JARID2: variants seen among roughly 807,000 people sequenced by gnomAD.
The protein encoded by JARID2 is jumonji and AT-rich interaction domain containing 2.
A neutral mutation model predicts 125.6 loss-of-function variants in JARID2; 21 were observed. That is an observed-to-expected ratio of 0.17 (90% CI 0.12 to 0.24). The LOEUF (loss-of-function observed/expected upper bound fraction) is 0.24. Ranked by LOEUF, JARID2 falls within the 10% of genes least tolerant of loss-of-function variation. The pLI is 1.00. For synonymous variants in JARID2, 736 were observed against 661.6 expected (o/e 1.11, Z -1.73); for missense variants, 1,303 against 1,639.6 (o/e 0.79, Z 3.55).
At chr6:15,299,121 A>AC (rs1303703828) in intron 1 of JARID2, among the ~76,000 whole-genome samples, 4 of 152,216 alleles carry the variant, frequency 2.6e-5, no homozygotes, top group Non-Finnish European at 5.9e-5. Flanking sequence ...GGCTATCTGT[A>AC]CCCGACATTT....
chr6:15,360,589 TC>T (rs758949151), intron 1 of JARID2, among the ~76,000 whole-genome samples: 2 of 152,198 alleles, frequency 1.3e-5, no homozygotes, highest in African/African-American at 2.4e-5. Context: ...GTTCAAGCGA[TC>T]TTCTCACCTC....
At chr6:15,448,415 G>A (rs969623109) in intron 3 of JARID2, among the ~76,000 whole-genome samples, 13 of 151,964 alleles carry the variant, frequency 8.6e-5, no homozygotes, top group African/African-American at 1.9e-4. Context: ...TCTCATTGTC[G>A]CTGCACAATC....
chr6:15,323,059 G>A (rs1021349967), intron 1 of JARID2, among the ~76,000 whole-genome samples: 1 of 152,254 alleles, frequency 6.6e-6, no homozygotes, highest in Non-Finnish European at 1.5e-5. Flanking sequence ...CACCAGGACT[G>A]TAGGTTACTT....
chr6:15,334,691 G>T (rs1762821757), intron 1 of JARID2, among the ~76,000 whole-genome samples: 1 of 152,110 alleles, frequency 6.6e-6, no homozygotes, highest in Non-Finnish European at 1.5e-5. Context: ...CATGTTGTTT[G>T]TTTCTTCAAT....
intron 3 of JARID2, among the ~76,000 whole-genome samples, chr6:15,411,809 C>T (rs753631089): frequency 6.4e-4 from 98 of 152,332 alleles, no homozygotes; most frequent in Non-Finnish European, 1.0e-3. Flanking sequence ...TGGGCACCCA[C>T]TCCTTTAGCT....
intron 2 of JARID2, among the ~76,000 whole-genome samples, chr6:15,378,980 C>T (rs1764476905): frequency 6.6e-6 from 1 of 152,120 alleles, no homozygotes; most frequent in Non-Finnish European, 1.5e-5. Flanking sequence ...GTATCTGATG[C>T]CTGGGAACAG....
At chr6:15,482,354 A>AT (rs1769661252) in intron 5 of JARID2, among the ~76,000 whole-genome samples, 1 of 152,208 alleles carries the variant, frequency 6.6e-6, no homozygotes, top group Non-Finnish European at 1.5e-5. Flanking sequence ...ATTAATGTGG[A>AT]TTATATTTAT....
rs2282820 is a variant in JARID2 at position 15,503,172 on chromosome 6, C to T, written c.2449-1328C>T. Reference sequence around the variant, plus strand: ...CAGCCGTGTGCCCACGGGTAGGGACCGTGAGCACGCAACTCTCTGTGGCAC... The same window carrying T: ...CAGCCGTGTGCCCACGGGTAGGGACTGTGAGCACGCAACTCTCTGTGGCAC... On this transcript the variant is annotated intron_variant, in intron 8 of 17. Coordinates refer to ENST00000341776, the MANE Select transcript of JARID2 (RefSeq NM_004973.4). Among the ~76,000 whole-genome samples, 157 of 152,310 alleles carry T rather than the reference C, an allele frequency of 1.0e-3. 3 individuals are homozygous for T. The East Asian group carries it at 0.025, about 24-fold the overall frequency.
intron 2 of JARID2, among the ~76,000 whole-genome samples, chr6:15,395,303 G>T (rs1765176961): frequency 6.6e-6 from 1 of 152,026 alleles, no homozygotes; most frequent in African/African-American, 2.4e-5. Flanking sequence ...TTTTTTGGGG[G>T]GTGGTGGGGG....
intron 1 of JARID2, among the ~76,000 whole-genome samples, chr6:15,253,578 G>C (rs923155058): frequency 1.3e-5 from 2 of 151,980 alleles, no homozygotes; most frequent in Non-Finnish European, 2.9e-5. Flanking sequence ...ATTCCTGCGT[G>C]AGCAGCGACT....
At chr6:15,340,904 A>G (rs1301769270) in intron 1 of JARID2, among the ~76,000 whole-genome samples, 1 of 152,170 alleles carries the variant, frequency 6.6e-6, no homozygotes, top group Non-Finnish European at 1.5e-5. Context: ...TGTCTTGGGA[A>G]GGGATGAGTC....
chr6:15,513,757 C>A (rs1454313018), intron 16 of JARID2, among the ~76,000 whole-genome samples: 2 of 152,268 alleles, frequency 1.3e-5, no homozygotes, highest in African/African-American at 4.8e-5. Context: ...CTTACCCATT[C>A]TTTCTGAGGC....
chr6:15,264,551 T>G (rs1348160718), intron 1 of JARID2, among the ~76,000 whole-genome samples: 1 of 151,730 alleles, frequency 6.6e-6, no homozygotes, highest in East Asian at 1.9e-4. Context: ...TTCTCTGCAG[T>G]GGCCAAGTAG....
intron 1 of JARID2, among the ~76,000 whole-genome samples, chr6:15,331,870 T>C (rs1213556759): frequency 6.6e-6 from 1 of 152,224 alleles, no homozygotes; most frequent in East Asian, 1.9e-4. Flanking sequence ...TTCTGTGGTT[T>C]CTTAAAATAA....
intron 3 of JARID2, among the ~76,000 whole-genome samples, chr6:15,426,184 G>A (rs1451141243): frequency 6.6e-6 from 1 of 152,138 alleles, no homozygotes; most frequent in Non-Finnish European, 1.5e-5. Context: ...CAGAGTTTTC[G>A]AGATTGTGAC....
At chr6:15,264,612 A>AGTGTGT (rs148424538) in intron 1 of JARID2, among the ~76,000 whole-genome samples, 11,903 of 146,010 alleles carry the variant, frequency 0.082, 509 homozygotes, top group South Asian at 0.13. Context: ...GGTAGGTGTG[A>AGTGTGT]GTGTGTGTGT....
At chr6:15,275,506 A>C in intron 1 of JARID2, among the ~76,000 whole-genome samples, 1 of 132,842 alleles carries the variant, frequency 7.5e-6, no homozygotes, top group African/African-American at 3.0e-5. Flanking sequence ...TTCACATTTT[A>C]ATTAAAGTCC....
chr6:15,453,154 G>A (rs1284262063), intron 4 of JARID2, among the ~76,000 whole-genome samples: 1 of 152,078 alleles, frequency 6.6e-6, no homozygotes, highest in Non-Finnish European at 1.5e-5. Flanking sequence ...GTGATACGTG[G>A]CCCCCATGCA....
At chr6:15,275,283 A>G (rs1468805242) in intron 1 of JARID2, among the ~76,000 whole-genome samples, 1 of 152,184 alleles carries the variant, frequency 6.6e-6, no homozygotes, top group Non-Finnish European at 1.5e-5. Context: ...AGGAGGTTAC[A>G]TAGACAGGGT....
Sources: gnomAD v4.1 joint callset for allele counts (sites outside exome capture counted in the v4.1 genomes callset) on GRCh38, gnomAD v4.1.1 for gene constraint, MANE v1.5 for transcripts, NCBI Gene and HGNC (gene_info 2026-07-23, HGNC 2026-07-21) for gene names.